The following SEL1L3 variants were observed in gnomAD, a reference collection of about 807,000 sequenced individuals.
The protein encoded by SEL1L3 is protein sel-1 homolog 3.
A neutral mutation model predicts 142.8 loss-of-function variants in SEL1L3; 76 were observed. The ratio of observed to expected loss-of-function variants is 0.53; its 90% CI spans 0.44 to 0.64. SEL1L3 has a LOEUF of 0.64. SEL1L3 is among the 30% of genes least tolerant of loss of function. The probability of loss-of-function intolerance (pLI) is 0.00; values close to 1 mark genes in which losing one functional copy is unlikely to be tolerated. For synonymous variants in SEL1L3, 504 were observed against 519.6 expected (o/e 0.97, Z 0.41); for missense variants, 1,262 against 1,381.7 (o/e 0.91, Z 1.37).
intron 1 of SEL1L3, among the ~76,000 whole-genome samples, chr4:25,850,477 T>C (rs939665129): frequency 6.6e-6 from 1 of 152,210 alleles, no homozygotes; most frequent in African/African-American, 2.4e-5. Context: ...TGCCCTCTTA[T>C]GTATTGTTGG....
rs1188620341 is a variant in SEL1L3 at position 25,757,750 on chromosome 4, A to G, written c.3124T>C (p.Ser1042Pro). 6.3e-7 allele frequency: 1 copy of G among 1,596,392 alleles called. No homozygotes were observed. Among genetic ancestry groups the G allele is most frequent in the Non-Finnish European group, 8.5e-7 (1 of 1,171,888 alleles). Reference sequence around the variant, plus strand: ...AAGTGCAGGTAAAGCCAGGCCAAGGAGCAGGGGCTGAAGGACTCCTCGTTA... The same window carrying G: ...AAGTGCAGGTAAAGCCAGGCCAAGGGGCAGGGGCTGAAGGACTCCTCGTTA... Reference protein sequence around the residue: ...HSNEESFSPCSLAWLYLHLRL... With the variant: ...HSNEESFSPCPLAWLYLHLRL... Residue 1042 changes from serine to proline, a missense_variant, in exon 22 of 24, where the codon TCC (serine) becomes CCC (proline). Ser to Pro is a moderately conservative substitution (Grantham distance 74, BLOSUM62 -1). Coordinates refer to ENST00000399878, the MANE Select transcript of SEL1L3 (RefSeq NM_015187.5).
intron 1 of SEL1L3, among the ~76,000 whole-genome samples, chr4:25,861,230 G>C (rs1214835809): frequency 6.6e-6 from 1 of 152,198 alleles, no homozygotes; most frequent in African/African-American, 2.4e-5. Context: ...TTATGAGCCT[G>C]TGTGTTGTAA....
intron 2 of SEL1L3, among the ~76,000 whole-genome samples, chr4:25,844,229 A>G (rs1716364926): frequency 6.6e-6 from 1 of 152,194 alleles, no homozygotes; most frequent in African/African-American, 2.4e-5. Context: ...GCCCCCTTCT[A>G]TCCCCACAGC....
intron 16 of SEL1L3, among the ~76,000 whole-genome samples, chr4:25,776,927 A>G (rs1719674976): frequency 6.6e-6 from 1 of 152,116 alleles, no homozygotes; most frequent in Admixed American, 6.6e-5. Flanking sequence ...TGACAAATAG[A>G]AAATAAACAG....
At chr4:25,770,779 A>G (rs1427878416) in intron 17 of SEL1L3, among the ~76,000 whole-genome samples, 1 of 151,902 alleles carries the variant, frequency 6.6e-6, no homozygotes. Context: ...GAAAAGAAAA[A>G]AAAGAAAAAA....
intron 15 of SEL1L3, among the ~76,000 whole-genome samples, chr4:25,780,877 GT>G (rs1201209921): frequency 6.7e-6 from 1 of 149,898 alleles, no homozygotes; most frequent in Non-Finnish European, 1.5e-5. Flanking sequence ...TCAGGCTGGA[GT>G]ACAGTGGCAC....
Position 25,800,754 on chromosome 4 carries a change from G to A in SEL1L3, c.1956+1529C>T, listed in dbSNP as rs16877560. ...AGAAAATACATGTATAAATTATAAGGGTGTGTAAGTTTGTTCAGAAGGAAT... is the reference window on the plus strand; with the variant it reads ...AGAAAATACATGTATAAATTATAAGAGTGTGTAAGTTTGTTCAGAAGGAAT... On this transcript the variant is annotated intron_variant, in intron 11 of 23. Transcript: ENST00000399878. Among the ~76,000 whole-genome samples, 26 of 152,086 alleles carry A rather than the reference G, an allele frequency of 1.7e-4. No homozygotes were observed. The East Asian group carries it at 4.4e-3, about 26-fold the overall frequency.
Position 25,847,914 on chromosome 4 carries a change from C to T in SEL1L3, c.163-50G>A, listed in dbSNP as rs754604519. 18 of 1,081,736 alleles carry T rather than the reference C, an allele frequency of 1.7e-5. No individual in the cohort carries two copies. The East Asian group carries it at 2.1e-4, about 12-fold the overall frequency. The allele number at this position is 1,081,736 out of a possible 1,614,324, so 67.0% of individuals were successfully genotyped here. ...GAAATACAGAAAGTTTAAAAATCCT[C>T]ATCATAACAGATACTTGAATCATTA... is the stretch of plus-strand genomic sequence containing the variant. On this transcript the variant is annotated intron_variant, in intron 1 of 23. Coordinates refer to ENST00000399878, the MANE Select transcript of SEL1L3 (RefSeq NM_015187.5).
intron 11 of SEL1L3, among the ~76,000 whole-genome samples, chr4:25,798,692 G>A (rs1202658223): frequency 6.6e-6 from 1 of 152,216 alleles, no homozygotes; most frequent in Non-Finnish European, 1.5e-5. Flanking sequence ...GCCGGGCGTG[G>A]TGGCACATGC....
chr4:25,797,698 A>G (rs919325904), intron 11 of SEL1L3, among the ~76,000 whole-genome samples: 73 of 152,182 alleles, frequency 4.8e-4, no homozygotes, highest in African/African-American at 1.7e-3. Context: ...TCTGTTCATC[A>G]CTGGGTAACC....
At chr4:25,778,975 T>C in intron 16 of SEL1L3, 101 bp downstream of exon 16, 1 of 1,053,778 alleles carries the variant, frequency 9.5e-7, no homozygotes, top group Non-Finnish European at 1.4e-6. Context: ...TACATGCATG[T>C]ACAACTGGTA....
At chr4:25,771,210 T>C (rs758826552) in intron 17 of SEL1L3, among the ~76,000 whole-genome samples, 62 of 152,260 alleles carry the variant, frequency 4.1e-4, no homozygotes, top group Non-Finnish European at 5.4e-4. Context: ...TGCAAAACTA[T>C]TGTCCTTCCT....
At chr4:25,853,295 CCA>C (rs1717023164) in intron 1 of SEL1L3, among the ~76,000 whole-genome samples, 1 of 152,224 alleles carries the variant, frequency 6.6e-6, no homozygotes, top group Admixed American at 6.5e-5. Context: ...CGTGTACTCT[CCA>C]CAGAGCCGTC....
At position 25,820,494 on chromosome 4, in the gene SEL1L3, A is replaced by T. The variant is rs1714682570; in HGVS notation, c.1291-554T>A. On this transcript the variant is annotated intron_variant, in intron 7 of 23. Transcript: ENST00000399878. ...GTATTCTTTCATGAATTCCCTGTTT[A>T]AGATCCCGAAAGGGAGCGCCTCAGG... is the stretch of plus-strand genomic sequence containing the variant. Among the ~76,000 whole-genome samples the T allele has an allele frequency of 2.0e-5, 3 of 152,260 alleles. No individual in the cohort carries two copies. In the South Asian group the frequency reaches 6.2e-4, roughly 31 times the overall value.
chr4:25,790,467 ATT>A lies in SEL1L3; in HGVS notation c.2062_2063del (p.Asn688CysfsTer27). 6.2e-7 allele frequency: 1 copy of A among 1,613,800 alleles called. No homozygotes were observed. The highest frequency in any genetic ancestry group is 1.6e-4 in the Middle Eastern group (1 of 6,062). ...MWLKHEATRG[N>X]AAAQQRLAQM... ...CCTGCGTTTTTACCTGAGCTGCTGC[ATT>A]GCCTCGGGTAGCTTCATGCTTCAAC... On this transcript the variant is annotated frameshift_variant, in exon 12 of 24. Transcript: ENST00000399878. LOFTEE classifies it high-confidence loss of function.
At chr4:25,769,148 C>T (rs1046168054) in intron 17 of SEL1L3, among the ~76,000 whole-genome samples, 1 of 152,078 alleles carries the variant, frequency 6.6e-6, no homozygotes, top group Non-Finnish European at 1.5e-5. Flanking sequence ...TTAGCTCCAC[C>T]TAGGAACTGG....
At position 25,836,506 on chromosome 4, in the gene SEL1L3, G is replaced by A. The variant is rs138253401; in HGVS notation, c.734-1183C>T. Reference sequence around the variant, plus strand: ...TACTAAAAATACAAAAAAAAAATTAGCCGGGCATGGTAGTGCGTGCCTGTA... The same window carrying A: ...TACTAAAAATACAAAAAAAAAATTAACCGGGCATGGTAGTGCGTGCCTGTA... On this transcript the variant is annotated intron_variant, in intron 2 of 23. Coordinates refer to ENST00000399878, the MANE Select transcript of SEL1L3 (RefSeq NM_015187.5). 4.4e-3 allele frequency among the ~76,000 whole-genome samples: 666 copies of A among 152,106 alleles called. 4 individuals are homozygous for A. The highest frequency in any genetic ancestry group is 0.02 in the Middle Eastern group (6 of 294).
intron 2 of SEL1L3, among the ~76,000 whole-genome samples, chr4:25,839,317 T>C (rs1203021270): frequency 6.6e-6 from 1 of 152,214 alleles, no homozygotes; most frequent in Non-Finnish European, 1.5e-5. Context: ...GGCAGGAATC[T>C]TAAGAATAAA....
the SEL1L3 span, among the ~76,000 whole-genome samples, chr4:25,735,888 G>C: frequency 0.43 from 60,502 of 139,698 alleles, 14,298 homozygotes; most frequent in East Asian, 0.68. Context: ...GGAGTGCAGT[G>C]ACCCGATCTC....
Sources: gnomAD v4.1 joint callset for allele counts (sites outside exome capture counted in the v4.1 genomes callset) on GRCh38, gnomAD v4.1.1 for gene constraint, MANE v1.5 for transcripts, NCBI Gene and HGNC (gene_info 2026-07-23, HGNC 2026-07-21) for gene names.